PTPRC: variants seen among roughly 807,000 people sequenced by gnomAD.
PTPRC encodes the protein receptor-type tyrosine-protein phosphatase C.
In PTPRC, 44 loss-of-function variants were observed where a neutral mutation model predicts 155.9. That is an observed-to-expected ratio of 0.28 (90% CI 0.22 to 0.36). The LOEUF (loss-of-function observed/expected upper bound fraction) is 0.36. Ranked by LOEUF, PTPRC falls within the 10% of genes least tolerant of loss-of-function variation. The pLI is 1.00. For synonymous variants in PTPRC, 525 were observed against 533.1 expected (o/e 0.98, Z 0.21); for missense variants, 1,401 against 1,564.6 (o/e 0.90, Z 1.76).
At chr1:198,728,584 C>G (rs1244316976) in intron 16 of PTPRC, 136 bp downstream of exon 16, 1 of 1,011,734 alleles carries the variant, frequency 9.9e-7, no homozygotes, top group East Asian at 2.8e-5. Context: ...CACTTCATGA[C>G]ACAACTTTTA....
chr1:198,671,954 T>G (rs574907010), intron 2 of PTPRC, among the ~76,000 whole-genome samples: 1 of 152,234 alleles, frequency 6.6e-6, no homozygotes, highest in Admixed American at 6.5e-5. Context: ...CATCCATATC[T>G]CTGCATTTTT....
chr1:198,746,378 G>A (rs747443869), intron 26 of PTPRC, among the ~76,000 whole-genome samples: 4 of 151,714 alleles, frequency 2.6e-5, no homozygotes, highest in African/African-American at 9.7e-5. Flanking sequence ...AGGTAAATGG[G>A]GTGTGAGGAG....
chr1:198,681,077 T>G (rs1313916925), intron 2 of PTPRC, among the ~76,000 whole-genome samples: 1 of 152,132 alleles, frequency 6.6e-6, no homozygotes, highest in Non-Finnish European at 1.5e-5. Context: ...GTTCCTTCTT[T>G]ACTAAAGATA....
At chr1:198,682,393 C>G (rs1665383431) in intron 2 of PTPRC, among the ~76,000 whole-genome samples, 1 of 152,098 alleles carries the variant, frequency 6.6e-6, no homozygotes, top group South Asian at 2.1e-4. Context: ...TAGGTGGACT[C>G]CCTATAATCT....
rs1257301505 is a variant in PTPRC, at chr1:198,712,947, T to G, written c.1172-6T>G. On this transcript the variant is annotated splice_polypyrimidine_tract_variant and splice_region_variant and intron_variant, in intron 11 of 32. Transcript: ENST00000442510. ...ATATTACATAACATTCTTATTCTTT[T>G]AACAGGTCCAGGAGAGCCTCAGATT... 6 of 1,610,672 alleles carry G rather than the reference T, an allele frequency of 3.7e-6. No homozygotes were observed. The highest frequency in any genetic ancestry group is 5.1e-6 in the Non-Finnish European group (6 of 1,177,070).
chr1:198,675,759 A>G (rs1006946681), intron 2 of PTPRC, among the ~76,000 whole-genome samples: 2 of 152,204 alleles, frequency 1.3e-5, no homozygotes, highest in African/African-American at 4.8e-5. Context: ...AGAGTTTCTC[A>G]TTATAAAAGA....
intron 18 of PTPRC, 124 bp from the exon 19 acceptor site, chr1:198,732,176 A>AT (rs750737626): frequency 3.6e-6 from 3 of 839,592 alleles, no homozygotes; most frequent in African/African-American, 1.7e-5. Flanking sequence ...CTCTAAGCAA[A>AT]TTTTTTTATC....
At chr1:198,652,227 A>T (rs192763505) in intron 2 of PTPRC, among the ~76,000 whole-genome samples, 109 of 151,890 alleles carry the variant, frequency 7.2e-4, no homozygotes, top group Non-Finnish European at 1.3e-3. Context: ...TGTAGATATA[A>T]AGCCGCAGTT....
At chr1:198,674,805 G>T (rs1322977442) in intron 2 of PTPRC, among the ~76,000 whole-genome samples, 1 of 151,968 alleles carries the variant, frequency 6.6e-6, no homozygotes, top group African/African-American at 2.4e-5. Flanking sequence ...GTCCCCATTT[G>T]CTCTTCATTT....
At chr1:198,689,786 T>C (rs1266055239) in intron 2 of PTPRC, among the ~76,000 whole-genome samples, 1 of 152,170 alleles carries the variant, frequency 6.6e-6, no homozygotes, top group East Asian at 1.9e-4. Context: ...TTTCTTCTCC[T>C]CCTCTTCCTC....
intron 2 of PTPRC, among the ~76,000 whole-genome samples, chr1:198,649,144 A>T (rs773528550): frequency 2.0e-5 from 3 of 151,876 alleles, no homozygotes; most frequent in Admixed American, 6.6e-5. Context: ...AAACAAAAAA[A>T]AATTATTGTT....
At chr1:198,711,785 G>C (rs1330571612) in intron 11 of PTPRC, among the ~76,000 whole-genome samples, 2 of 152,164 alleles carry the variant, frequency 1.3e-5, no homozygotes, top group Admixed American at 1.3e-4. Context: ...GACTAAAACA[G>C]CTCAATTGAA....
Position 198,752,277 on chromosome 1 carries a change from G to A in PTPRC, c.3236G>A (p.Gly1079Glu). The A allele has an allele frequency of 6.2e-7, 1 of 1,611,866 alleles. No individual in the cohort carries two copies. ...ATCTGTGCTCAGTACTGGGGAGAAGGAAAGCAAACATATGGAGATATTGAA... is the reference window on the plus strand; with the variant it reads ...ATCTGTGCTCAGTACTGGGGAGAAGAAAAGCAAACATATGGAGATATTGAA... ...QEICAQYWGE[G>E]KQTYGDIEVD... Residue 1079 changes from glycine to glutamate, a missense_variant, in exon 30 of 33, where the codon GGA becomes GAA. Around this residue, in one of 3 missense-constraint regions of PTPRC, gnomAD observed 400 missense variants for 389.5 expected, o/e 1.03. Coordinates refer to ENST00000442510, the MANE Select transcript of PTPRC (RefSeq NM_002838.5).
chr1:198,694,110 A>G (rs1270765465), intron 3 of PTPRC: 1 of 1,546,492 alleles, frequency 6.5e-7, no homozygotes, highest in Admixed American at 2.0e-5. Context: ...TTGGTGGCCA[A>G]AGGCCCGAGA....
intron 23 of PTPRC, 136 bp from the exon 24 acceptor site, chr1:198,741,733 T>C (rs1558034095): frequency 1.2e-6 from 1 of 857,228 alleles, no homozygotes; most frequent in Non-Finnish European, 1.8e-6. Flanking sequence ...ATAAGACACC[T>C]GAGGAAACTA....
intron 2 of PTPRC, among the ~76,000 whole-genome samples, chr1:198,650,580 C>T (rs1285657000): frequency 2.6e-5 from 4 of 151,760 alleles, no homozygotes; most frequent in African/African-American, 7.3e-5. Flanking sequence ...TATGTTTGGG[C>T]TGTTATTGAT....
chr1:198,750,508 A>G lies in PTPRC; in HGVS notation c.3089A>G (p.Glu1030Gly). The G allele has an allele frequency of 9.9e-6, 16 of 1,612,528 alleles. No homozygotes were observed. The highest frequency in any genetic ancestry group is 1.3e-5 in the Non-Finnish European group (15 of 1,178,960). Residue 1030 changes from glutamate (E) to glycine (G), a missense_variant, in exon 29 of 33, where the codon GAA (glutamate) becomes GGA (glycine). Physicochemically the swap from Glu to Gly is moderately conservative, Grantham distance 98. Transcript: ENST00000442510. ...TCTAAAAAGAGCTACTGGAAACCTG[A>G]AGTGATGATTGCTGCTCAGGGACCA... ...ASFIMSYWKPEVMIAAQGPLK... is the reference protein window; with the variant it reads ...ASFIMSYWKPGVMIAAQGPLK...
At position 198,735,162 on chromosome 1, in the gene PTPRC, G is replaced by A. The variant is rs758572135; in HGVS notation, c.2313G>A (p.Glu771=). 6.2e-7 allele frequency: 1 copy of A among 1,603,592 alleles called. No individual in the cohort carries two copies. Among genetic ancestry groups the A allele is most frequent in the Non-Finnish European group, 8.5e-7 (1 of 1,173,628 alleles). The part of the protein sequence containing the change: ...KCAEYWPSME[E]GTRAFGDVVV... ...CAGAATACTGGCCGTCAATGGAAGA[G>A]GGCACTCGGGCTTTTGGAGATGTTG... Residue 771 remains glutamate (E), a synonymous_variant, in exon 23 of 33, where the codon GAG becomes GAA. Coordinates refer to ENST00000442510, the MANE Select transcript of PTPRC (RefSeq NM_002838.5).
intron 2 of PTPRC, among the ~76,000 whole-genome samples, chr1:198,661,312 T>A (rs1663948349): frequency 6.7e-6 from 1 of 149,542 alleles, no homozygotes; most frequent in Non-Finnish European, 1.5e-5. Flanking sequence ...AAATATTTAA[T>A]TATTTATTAA....
Sources: allele counts gnomAD v4.1 joint callset (sites outside exome capture counted in the v4.1 genomes callset), GRCh38; gene constraint gnomAD v4.1.1; regional missense constraint gnomAD v4.1.1; transcripts MANE v1.5; gene names NCBI Gene and HGNC (gene_info 2026-07-23, HGNC 2026-07-21).